Variants in ACACB observed in about 807,000 individuals in gnomAD.
ACACB encodes the protein acetyl-CoA carboxylase beta.
ACACB carries 209 observed loss-of-function variants against 278.8 expected under a neutral mutation model. That is an observed-to-expected ratio of 0.75 (90% CI 0.67 to 0.84). ACACB has a LOEUF of 0.84. Ranked by LOEUF, ACACB falls within the 40% of genes least tolerant of loss-of-function variation. The probability of loss-of-function intolerance (pLI) is 0.00; values close to 1 mark genes in which losing one functional copy is unlikely to be tolerated. For missense variants in ACACB, 2,850 were observed against 3,269.0 expected (o/e 0.87, Z 3.13); for synonymous variants, 1,174 against 1,285.6 (o/e 0.91, Z 1.86).
intron 33 of ACACB, 104 bp downstream of exon 33, chr12:109,235,751 A>G: frequency 9.5e-7 from 1 of 1,049,988 alleles, no homozygotes; most frequent in Non-Finnish European, 1.4e-6. Context: ...TAATCCTAGC[A>G]CTTTGGGAGG....
rs1403806333 is a variant in ACACB at position 109,179,285 on chromosome 12, G to A, written c.1635G>A (p.Glu545=). Residue 545 remains glutamate, a synonymous_variant, in exon 10 of 53, where the codon GAG becomes GAA. Coordinates refer to ENST00000338432, the MANE Select transcript of ACACB (RefSeq NM_001093.4). ...PATIAPLAIF[E]FMEQCAIRLA... Reference sequence around the variant, plus strand: ...CCATCGCCCCGCTGGCCATATTCGAGTTCATGGAGCAGGTACACTTCTCAG... The same window carrying A: ...CCATCGCCCCGCTGGCCATATTCGAATTCATGGAGCAGGTACACTTCTCAG... 3 of 1,613,342 alleles carry A rather than the reference G, an allele frequency of 1.9e-6. No homozygotes were observed. Among genetic ancestry groups the A allele is most frequent in the Non-Finnish European group, 1.7e-6 (2 of 1,179,886 alleles).
intron 24 of ACACB, 71 bp from the exon 25 acceptor site, chr12:109,222,436 A>C (rs1446663160): frequency 1.5e-5 from 21 of 1,424,016 alleles, no homozygotes; most frequent in Non-Finnish European, 1.9e-5. Flanking sequence ...GTGCTCCCCA[A>C]GTCGAGATGA....
intron 1 of ACACB, among the ~76,000 whole-genome samples, chr12:109,121,368 G>A (rs1041872876): frequency 6.6e-6 from 1 of 152,216 alleles, no homozygotes; most frequent in Non-Finnish European, 1.5e-5. Context: ...GGGGTCGGGG[G>A]AGATGAAGTC....
Position 109,211,393 on chromosome 12 carries a change from G to T in ACACB, c.3250-1443G>T, listed in dbSNP as rs1471329531. Among the ~76,000 whole-genome samples the T allele has an allele frequency of 6.9e-5, 10 of 145,178 alleles. No homozygotes were observed. The Admixed American group carries it at 7.0e-4, about 10-fold the overall frequency. ...ACCTCCCGAATAGTTGGGATTACAG[G>T]TGTACACCACCATTCCCAGCTATTT... On this transcript the variant is annotated intron_variant, in intron 21 of 52. Coordinates refer to ENST00000338432, the MANE Select transcript of ACACB (RefSeq NM_001093.4).
chr12:109,166,043 G>A (rs1301083453), intron 2 of ACACB, among the ~76,000 whole-genome samples: 12 of 152,164 alleles, frequency 7.9e-5, no homozygotes, highest in African/African-American at 2.2e-4. Context: ...TTGGAAGGCC[G>A]AGGTGGGAGG....
chr12:109,180,233 A>G, intron 11 of ACACB, 146 bp downstream of exon 11: 2 of 767,952 alleles, frequency 2.6e-6, no homozygotes, highest in Middle Eastern at 3.9e-4. Context: ...AATCTGTAAA[A>G]GCTATAGTTC....
At position 109,176,249 on chromosome 12, in the gene ACACB, A is replaced by G. The variant is rs1437383134; in HGVS notation, c.1423A>G (p.Ile475Val). Residue 475 changes from isoleucine to valine, a missense_variant, in exon 9 of 53, where the codon ATC (isoleucine) becomes GTC (valine). Physicochemically the swap from Ile to Val is conservative, Grantham distance 29 (BLOSUM62 3). Transcript: ENST00000338432. ...GGCTGAGAGTGCGGAGGACTTCCCG[A>G]TCCTTTTCAGACAAGTGAGCAGTTC... is the stretch of plus-strand genomic sequence containing the variant. ...RKAESAEDFP[I>V]LFRQVQSEIP... 1 of 1,613,992 alleles carries G rather than the reference A, an allele frequency of 6.2e-7. No homozygotes were observed.
At chr12:109,212,648 G>A (rs2045882722) in intron 21 of ACACB, among the ~76,000 whole-genome samples, 188 bp from the exon 22 acceptor site, 1 of 152,158 alleles carries the variant, frequency 6.6e-6, no homozygotes, top group South Asian at 2.1e-4. Flanking sequence ...TGAGCAATGG[G>A]GAGGGGCTGT....
intron 24 of ACACB, among the ~76,000 whole-genome samples, chr12:109,218,320 G>A (rs2046062865): frequency 6.6e-6 from 1 of 151,892 alleles, no homozygotes; most frequent in Non-Finnish European, 1.5e-5. Flanking sequence ...TCCCACCTCA[G>A]CCTCCCAAGT....
intron 28 of ACACB, among the ~76,000 whole-genome samples, chr12:109,231,119 C>T (rs913728809): frequency 7.9e-5 from 12 of 152,128 alleles, no homozygotes; most frequent in South Asian, 4.2e-4. Context: ...TTTAGGTCAC[C>T]GAGACCCAAG....
At chr12:109,171,961 T>C in intron 5 of ACACB, 47 bp downstream of exon 5, 1 of 1,468,612 alleles carries the variant, frequency 6.8e-7, no homozygotes, top group Middle Eastern at 1.8e-4. Context: ...TGTGGGATGA[T>C]GCCCCTAGGT....
rs549012938 is a variant in ACACB, at chr12:109,199,335, C to CCGGA, written c.2628-65_2628-62dup. Reference sequence around the variant, plus strand: ...TAGGAAGGGGAAATGGTATTGAAAGCCGGACTAGGGCTTGCTGAGTTGGTA... The same window carrying CCGGA: ...TAGGAAGGGGAAATGGTATTGAAAGCCGGACGGACTAGGGCTTGCTGAGTTGGTA... On this transcript the variant is annotated intron_variant, in intron 17 of 52. Coordinates refer to ENST00000338432, the MANE Select transcript of ACACB (RefSeq NM_001093.4). 9.7e-5 allele frequency: 125 copies of CCGGA among 1,292,532 alleles called. No homozygotes were observed. The African/African-American group carries it at 1.5e-3, about 15-fold the overall frequency. The allele number at this position is 1,292,532 out of a possible 1,614,324, so 80.1% of individuals were successfully genotyped here.
At chr12:109,219,127 C>T (rs2046090124) in intron 24 of ACACB, among the ~76,000 whole-genome samples, 2 of 152,134 alleles carry the variant, frequency 1.3e-5, no homozygotes, top group Admixed American at 1.3e-4. Flanking sequence ...AGGACGTCCA[C>T]CCCCTATTGC....
intron 18 of ACACB, 47 bp from the exon 19 acceptor site, chr12:109,201,520 T>G: frequency 6.2e-7 from 1 of 1,604,654 alleles, no homozygotes. Context: ...TGGCTCTGGG[T>G]GTCAATCCCG....
intron 2 of ACACB, among the ~76,000 whole-genome samples, chr12:109,142,776 A>G (rs2043151415): frequency 6.6e-6 from 1 of 152,120 alleles, no homozygotes; most frequent in Non-Finnish European, 1.5e-5. Context: ...CATGTTGGCC[A>G]GTCTGGTCTT....
intron 20 of ACACB, among the ~76,000 whole-genome samples, chr12:109,208,217 A>AT (rs36059668): frequency 0.045 from 6,313 of 138,922 alleles, 183 homozygotes; most frequent in Non-Finnish European, 0.067. Context: ...CCATTGCAAC[A>AT]TTTTTTTTTT....
chr12:109,259,273 G>A (rs964502624), intron 47 of ACACB, among the ~76,000 whole-genome samples, 165 bp downstream of exon 47: 21 of 152,044 alleles, frequency 1.4e-4, no homozygotes, highest in African/African-American at 2.7e-4. Flanking sequence ...CCACTACCCC[G>A]TTTTAAAGAT....
chr12:109,252,520 AAT>A (rs1386981606), intron 42 of ACACB: 4 of 181,024 alleles, frequency 2.2e-5, no homozygotes, highest in African/African-American at 9.4e-5. Context: ...ATTTATAGTG[AAT>A]ATGCAGTTTT....
At position 109,188,041 on chromosome 12, in the gene ACACB, C is replaced by T. The variant is rs202216589; in HGVS notation, c.2023C>T (p.Arg675Trp). Residue 675 changes from arginine (R) to tryptophan (W), a missense_variant, in exon 13 of 53, where the codon CGG becomes TGG. Arg to Trp is a moderately radical substitution (Grantham distance 101). This residue lies in a region of ACACB where 2,265 missense variants were observed against 2,561.3 expected (regional missense o/e 0.88). Transcript: ENST00000338432. ...SSGTVQELNF[R>W]SSKNVWGYFS... ...CGGGACTGTCCAGGAACTGAATTTC[C>T]GGAGCAGCAAGAACGTGTGGGGTTA... The T allele has an allele frequency of 1.9e-5, 31 of 1,612,998 alleles. No individual in the cohort carries two copies. The highest frequency in any genetic ancestry group is 5.5e-5 in the South Asian group (5 of 91,056).
Sources: allele counts gnomAD v4.1 joint callset (sites outside exome capture counted in the v4.1 genomes callset), GRCh38; gene constraint gnomAD v4.1.1; regional missense constraint gnomAD v4.1.1; transcripts MANE v1.5; gene names NCBI Gene and HGNC (gene_info 2026-07-23, HGNC 2026-07-21).